The following MAF variants were observed in gnomAD, a reference collection of about 807,000 sequenced individuals.
MAF encodes the protein transcription factor Maf.
Under a neutral mutation model 22.0 loss-of-function variants are expected in MAF, and 10 were observed. That is an observed-to-expected ratio of 0.45 (90% CI 0.28 to 0.77). The LOEUF (loss-of-function observed/expected upper bound fraction) is 0.77, where lower values mean the gene tolerates loss of function less well. Ranked by LOEUF, MAF falls within the 30% of genes least tolerant of loss-of-function variation. The pLI, the probability that MAF is intolerant of heterozygous loss-of-function variation, is 0.12. For synonymous variants in MAF, 337 were observed against 255.8 expected (o/e 1.32, Z -3.03); for missense variants, 544 against 548.4 (o/e 0.99, Z 0.08).
At chr16:79,595,320 G>A (rs538323267) in intron 1 of MAF, 7 of 1,049,980 alleles carry the variant, frequency 6.7e-6, no homozygotes, top group Non-Finnish European at 8.1e-6. Context: ...AAATAGGCAG[G>A]AAGGCCAGAT....
chr16:79,275,141 A>G, the MAF span, among the ~76,000 whole-genome samples: 6 of 152,214 alleles, frequency 3.9e-5, no homozygotes, highest in South Asian at 1.2e-3. Context: ...GGATCACTTG[A>G]GATCAGGAGT....
the MAF span, among the ~76,000 whole-genome samples, chr16:79,208,240 C>A: frequency 2.6e-5 from 4 of 152,138 alleles, no homozygotes; most frequent in Admixed American, 6.5e-5. Flanking sequence ...TAAAAAGATT[C>A]TTCTGGGCTT....
the MAF span, among the ~76,000 whole-genome samples, chr16:79,362,129 G>GTGCT: frequency 6.6e-6 from 1 of 152,114 alleles, no homozygotes; most frequent in East Asian, 1.9e-4. Flanking sequence ...CTTCAAAATG[G>GTGCT]TGCTATTCAC....
the MAF span, among the ~76,000 whole-genome samples, chr16:79,356,240 T>C: frequency 1.3e-5 from 2 of 152,098 alleles, no homozygotes; most frequent in Non-Finnish European, 2.9e-5. Flanking sequence ...TTCATGCACA[T>C]GCTATACCCT....
At chr16:79,424,419 T>A in the MAF span, among the ~76,000 whole-genome samples, 1 of 152,194 alleles carries the variant, frequency 6.6e-6, no homozygotes, top group Non-Finnish European at 1.5e-5. Context: ...TCTCTAAGGT[T>A]GCATTATGGC....
chr16:79,275,709 C>A, the MAF span, among the ~76,000 whole-genome samples: 1 of 152,098 alleles, frequency 6.6e-6, no homozygotes, highest in African/African-American at 2.4e-5. Flanking sequence ...AATGAACAGA[C>A]AAAACTTACA....
chr16:79,509,454 A>G, the MAF span, among the ~76,000 whole-genome samples: 1 of 152,210 alleles, frequency 6.6e-6, no homozygotes, highest in East Asian at 1.9e-4. Flanking sequence ...GAATGTTTAC[A>G]CAGCTTGGCT....
chr16:79,299,657 G>A, the MAF span, among the ~76,000 whole-genome samples: 10 of 152,100 alleles, frequency 6.6e-5, no homozygotes, highest in African/African-American at 2.2e-4. Flanking sequence ...TGAGACCAGC[G>A]TCCTGCACAG....
the MAF span, among the ~76,000 whole-genome samples, chr16:79,216,580 G>C: frequency 1.3e-5 from 2 of 152,114 alleles, no homozygotes; most frequent in Non-Finnish European, 2.9e-5. Context: ...TGTGTTAAAT[G>C]CCTTTGTCCA....
the MAF span, among the ~76,000 whole-genome samples, chr16:79,290,306 G>C: frequency 6.6e-6 from 1 of 152,176 alleles, no homozygotes; most frequent in Non-Finnish European, 1.5e-5. Flanking sequence ...ATATAGCCAG[G>C]CTTTTCATAT....
At chr16:79,480,237 C>T in the MAF span, among the ~76,000 whole-genome samples, 4 of 152,120 alleles carry the variant, frequency 2.6e-5, no homozygotes, top group Non-Finnish European at 5.9e-5. Flanking sequence ...AAGGACTGCT[C>T]AAATTCCCCA....
chr16:79,530,861 T>C, the MAF span, among the ~76,000 whole-genome samples: 3 of 152,190 alleles, frequency 2.0e-5, no homozygotes, highest in African/African-American at 4.8e-5. Context: ...GGAATGGAAA[T>C]GATTACTTGT....
the MAF span, among the ~76,000 whole-genome samples, chr16:79,577,393 G>A: frequency 1.3e-5 from 2 of 152,320 alleles, no homozygotes; most frequent in Non-Finnish European, 2.9e-5. Flanking sequence ...CTGCATGACT[G>A]TGGTGAAGGG....
the MAF span, among the ~76,000 whole-genome samples, chr16:79,298,858 A>G: frequency 6.6e-6 from 1 of 152,216 alleles, no homozygotes; most frequent in Non-Finnish European, 1.5e-5. Flanking sequence ...GAGCAAATGG[A>G]AACTGTACCA....
chr16:79,443,010 G>T, the MAF span, among the ~76,000 whole-genome samples: 3 of 152,202 alleles, frequency 2.0e-5, no homozygotes, highest in African/African-American at 7.2e-5. Context: ...AAGGAATGTA[G>T]AGCAAGGATG....
chr16:79,276,892 C>G, the MAF span, among the ~76,000 whole-genome samples: 194 of 152,218 alleles, frequency 1.3e-3, 4 homozygotes, highest in Middle Eastern at 6.8e-3. Flanking sequence ...GGGGAGGATC[C>G]TTCTCTGCCT....
chr16:79,356,785 A>G, the MAF span, among the ~76,000 whole-genome samples: 1 of 152,184 alleles, frequency 6.6e-6, no homozygotes, highest in African/African-American at 2.4e-5. Flanking sequence ...CCTGGGTCCA[A>G]GGCCACATGC....
chr16:79,560,244 A>G, the MAF span, among the ~76,000 whole-genome samples: 1 of 152,106 alleles, frequency 6.6e-6, no homozygotes, highest in African/African-American at 2.4e-5. Flanking sequence ...TTCTTAAATG[A>G]AATTCCATGT....
the MAF span, among the ~76,000 whole-genome samples, chr16:79,448,270 T>C: frequency 6.6e-6 from 1 of 151,982 alleles, no homozygotes; most frequent in Non-Finnish European, 1.5e-5. Flanking sequence ...AGCCATTCCA[T>C]CCTACAGCAA....
Sources: allele counts gnomAD v4.1 joint callset (sites outside exome capture counted in the v4.1 genomes callset), GRCh38; gene constraint gnomAD v4.1.1; transcripts MANE v1.5; gene names NCBI Gene and HGNC (gene_info 2026-07-23, HGNC 2026-07-21).